The following ZBTB20 variants were observed in gnomAD, a reference collection of about 807,000 sequenced individuals.
The protein encoded by ZBTB20 is zinc finger and BTB domain-containing protein 20.
A neutral mutation model predicts 56.9 loss-of-function variants in ZBTB20; 9 were observed. The ratio of observed to expected loss-of-function variants is 0.16; its 90% CI spans 0.10 to 0.28. The LOEUF (loss-of-function observed/expected upper bound fraction) is 0.28, where lower values mean the gene tolerates loss of function less well. Among genes scored for constraint, ZBTB20 ranks in the 10% least tolerant of loss-of-function variants. ZBTB20 has a pLI of 1.00. For missense variants in ZBTB20, 655 were observed against 1,003.0 expected (o/e 0.65, Z 4.69); for synonymous variants, 417 against 420.7 (o/e 0.99, Z 0.11).
chr3:115,116,355 A>G (rs1300600691), intron 1 of ZBTB20, among the ~76,000 whole-genome samples: 1 of 151,878 alleles, frequency 6.6e-6, no homozygotes, highest in Non-Finnish European at 1.5e-5. Context: ...TTCCTCTCAA[A>G]CCCTAACGCA....
chr3:114,473,208 C>A (rs1000815544), intron 7 of ZBTB20, among the ~76,000 whole-genome samples: 3 of 152,204 alleles, frequency 2.0e-5, no homozygotes, highest in African/African-American at 7.2e-5. Context: ...TTCTTCCCTT[C>A]CGTCCTACCC....
At chr3:115,097,292 C>T (rs2083414247) in intron 1 of ZBTB20, among the ~76,000 whole-genome samples, 1 of 152,138 alleles carries the variant, frequency 6.6e-6, no homozygotes. Context: ...GATTCTCCTG[C>T]CTCAGCCTCC....
At chr3:114,361,317 T>C (rs2081853315) in intron 10 of ZBTB20, among the ~76,000 whole-genome samples, 1 of 152,222 alleles carries the variant, frequency 6.6e-6, no homozygotes. Context: ...TCACCAATTC[T>C]TATCATCCCC....
intron 4 of ZBTB20, among the ~76,000 whole-genome samples, chr3:114,822,975 ATCACAG>A (rs945852093): frequency 3.9e-5 from 6 of 152,124 alleles, no homozygotes; most frequent in South Asian, 2.1e-4. Context: ...CTTTGGAGAA[ATCACAG>A]TAAAATGAAA....
intron 6 of ZBTB20, among the ~76,000 whole-genome samples, chr3:114,528,457 A>C (rs1308539054): frequency 6.6e-6 from 1 of 152,172 alleles, no homozygotes; most frequent in Non-Finnish European, 1.5e-5. Context: ...AATTTTTCCT[A>C]AAGAAGAAAT....
intron 4 of ZBTB20, among the ~76,000 whole-genome samples, chr3:114,816,040 TCTATCTGAGGAG>T (rs2072891971): frequency 6.6e-6 from 1 of 152,178 alleles, no homozygotes. Context: ...CTAATCTTAT[TCTATCTGAGGAG>T]CTATCCTCTT....
chr3:114,982,200 A>C (rs1236935107), intron 2 of ZBTB20, among the ~76,000 whole-genome samples: 1 of 152,092 alleles, frequency 6.6e-6, no homozygotes, highest in African/African-American at 2.4e-5. Flanking sequence ...AACAGTATAA[A>C]TGGGCAATAT....
intron 3 of ZBTB20, among the ~76,000 whole-genome samples, chr3:114,932,225 C>G (rs1047823698): frequency 1.3e-5 from 2 of 152,194 alleles, no homozygotes; most frequent in African/African-American, 4.8e-5. Flanking sequence ...CACCTGTAAC[C>G]TGTACAGCAA....
chr3:114,934,749 C>T (rs1289329118), intron 3 of ZBTB20, among the ~76,000 whole-genome samples: 2 of 152,040 alleles, frequency 1.3e-5, no homozygotes, highest in Non-Finnish European at 2.9e-5. Context: ...TGCTTAGAAG[C>T]TCAGGAATCC....
intron 6 of ZBTB20, among the ~76,000 whole-genome samples, chr3:114,599,840 T>C (rs927261025): frequency 2.6e-5 from 4 of 152,096 alleles, no homozygotes; most frequent in Non-Finnish European, 4.4e-5. Flanking sequence ...TCCTTAAGAT[T>C]ATTATCTAGA....
At chr3:114,479,050 TG>T (rs2041209332) in intron 7 of ZBTB20, among the ~76,000 whole-genome samples, 1 of 118,746 alleles carries the variant, frequency 8.4e-6, no homozygotes, top group Non-Finnish European at 1.7e-5. Flanking sequence ...TTTTTTTTTC[TG>T]GTCTGTTCCT....
intron 2 of ZBTB20, among the ~76,000 whole-genome samples, chr3:114,992,833 G>A (rs2078875697): frequency 6.6e-6 from 1 of 151,800 alleles, no homozygotes. Context: ...TACGTGCCAT[G>A]AGTGCCTTAG....
At chr3:114,508,476 A>C (rs2044917614) in intron 6 of ZBTB20, among the ~76,000 whole-genome samples, 1 of 152,140 alleles carries the variant, frequency 6.6e-6, no homozygotes, top group Non-Finnish European at 1.5e-5. Context: ...TCACTGAACT[A>C]TTGCCCAACT....
At chr3:114,595,003 A>T (rs1184894893) in intron 6 of ZBTB20, among the ~76,000 whole-genome samples, 1 of 152,228 alleles carries the variant, frequency 6.6e-6, no homozygotes, top group Non-Finnish European at 1.5e-5. Context: ...TCATAAATCC[A>T]TTTATACTTA....
At position 114,603,839 on chromosome 3, in the gene ZBTB20, C is replaced by A. The variant is rs185260342; in HGVS notation, c.-295+89689G>T. 1.1e-4 allele frequency among the ~76,000 whole-genome samples: 17 copies of A among 151,846 alleles called. No homozygotes were observed. In the East Asian group the frequency reaches 1.9e-3, roughly 17 times the overall value. On this transcript the variant is annotated intron_variant, in intron 6 of 11. Coordinates refer to ENST00000675478, the MANE Select transcript of ZBTB20 (RefSeq NM_001348800.3). ...TTTAAAAATGCAAACTAAAACTATA[C>A]CGAGATACCGTCTTTTACCAATACA...
At chr3:114,342,360 G>C (rs1379889902) in intron 11 of ZBTB20, among the ~76,000 whole-genome samples, 1 of 152,194 alleles carries the variant, frequency 6.6e-6, no homozygotes, top group Non-Finnish European at 1.5e-5. Flanking sequence ...TGGTTTTCCA[G>C]GTTTAAGCCT....
At chr3:114,667,501 G>A (rs1046332355) in intron 6 of ZBTB20, among the ~76,000 whole-genome samples, 1 of 151,844 alleles carries the variant, frequency 6.6e-6, no homozygotes, top group Non-Finnish European at 1.5e-5. Context: ...CAGATTTATG[G>A]CAGCCTAACC....
chr3:114,632,001 A>T (rs922075996), intron 6 of ZBTB20, among the ~76,000 whole-genome samples: 1 of 152,200 alleles, frequency 6.6e-6, no homozygotes, highest in African/African-American at 2.4e-5. Context: ...AGAGGCTGAG[A>T]GCAGAAAAGC....
chr3:114,447,251 T>C (rs577509100), intron 7 of ZBTB20, among the ~76,000 whole-genome samples: 18 of 152,334 alleles, frequency 1.2e-4, no homozygotes, highest in African/African-American at 4.3e-4. Flanking sequence ...TTGTAACATT[T>C]TATTCAGGTA....
Sources: allele counts gnomAD v4.1 joint callset (sites outside exome capture counted in the v4.1 genomes callset), GRCh38; gene constraint gnomAD v4.1.1; transcripts MANE v1.5; gene names NCBI Gene and HGNC (gene_info 2026-07-23, HGNC 2026-07-21).